UBE2E3: variants seen among roughly 807,000 people sequenced by gnomAD.
UBE2E3 encodes the protein ubiquitin conjugating enzyme E2 E3.
UBE2E3 carries 5 observed loss-of-function variants against 23.6 expected under a neutral mutation model. The observed-to-expected ratio is 0.21, with a 90% CI of 0.11 to 0.44. The LOEUF (loss-of-function observed/expected upper bound fraction) is 0.44. Among genes scored for constraint, UBE2E3 ranks in the 20% least tolerant of loss-of-function variants. The pLI, the probability that UBE2E3 is intolerant of heterozygous loss-of-function variation, is 0.99. For synonymous variants in UBE2E3, 78 were observed against 87.5 expected, an observed-to-expected ratio of 0.89 and a Z score of 0.60; for missense variants, 81 against 249.8, an observed-to-expected ratio of 0.32 and a Z score of 4.55.
At chr2:180,999,172 TATG>T (rs1329053396) in intron 3 of UBE2E3, among the ~76,000 whole-genome samples, 4 of 152,150 alleles carry the variant, frequency 2.6e-5, no homozygotes, top group African/African-American at 9.7e-5. Flanking sequence ...ATTTATTTAT[TATG>T]ATAAGAGAAT....
chr2:181,033,514 T>A (rs1686156976), intron 3 of UBE2E3, among the ~76,000 whole-genome samples: 1 of 151,958 alleles, frequency 6.6e-6, no homozygotes, highest in African/African-American at 2.4e-5. Flanking sequence ...CCTTACACCT[T>A]ATACAAAAAT....
chr2:181,060,388 A>G (rs536657532), intron 4 of UBE2E3, among the ~76,000 whole-genome samples: 1 of 151,860 alleles, frequency 6.6e-6, no homozygotes, highest in African/African-American at 2.4e-5. Flanking sequence ...GTGTATGCAA[A>G]CAGACGTACC....
chr2:181,031,550 T>G (rs1686077595), intron 3 of UBE2E3, among the ~76,000 whole-genome samples: 1 of 152,158 alleles, frequency 6.6e-6, no homozygotes, highest in South Asian at 2.1e-4. Context: ...AGAGTTTGGT[T>G]TGTTTGTATT....
At chr2:181,053,093 T>C (rs1340254968) in intron 3 of UBE2E3, among the ~76,000 whole-genome samples, 2 of 151,802 alleles carry the variant, frequency 1.3e-5, no homozygotes, top group African/African-American at 4.8e-5. Context: ...AATTTCCTTA[T>C]TTTTACATCT....
chr2:180,997,972 C>T (rs1045975798), intron 3 of UBE2E3, among the ~76,000 whole-genome samples: 21 of 152,010 alleles, frequency 1.4e-4, no homozygotes, highest in Admixed American at 5.9e-4. Flanking sequence ...CCAGCTGAAC[C>T]GGGCACTAGG....
chr2:180,990,889 A>G lies in UBE2E3; in HGVS notation c.245+6796A>G, dbSNP rs184579890. Among the ~76,000 whole-genome samples, 9 of 152,316 alleles carry G rather than the reference A, an allele frequency of 5.9e-5. No individual in the cohort carries two copies. In the East Asian group the frequency reaches 9.7e-4, roughly 16 times the overall value. ...TTACTTCAATTTTTACAAGTTCACA[A>G]TCCTTTATTTGAAACCCTTGGGGCC... is the stretch of plus-strand genomic sequence containing the variant. On this transcript the variant is annotated intron_variant, in intron 3 of 5. Transcript: ENST00000410062.
At chr2:181,000,766 G>C (rs548295555) in intron 3 of UBE2E3, among the ~76,000 whole-genome samples, 11 of 152,240 alleles carry the variant, frequency 7.2e-5, no homozygotes, top group South Asian at 2.1e-4. Context: ...GTGTTAGCCA[G>C]GATGGTCTCG....
At chr2:181,000,183 C>A (rs191642900) in intron 3 of UBE2E3, among the ~76,000 whole-genome samples, 3 of 152,242 alleles carry the variant, frequency 2.0e-5, no homozygotes, top group Admixed American at 1.3e-4. Flanking sequence ...GAATAAGACT[C>A]ACTGTATTAT....
chr2:181,062,792 G>A lies in UBE2E3; in HGVS notation c.528G>A (p.Ala176=), dbSNP rs371595317. Residue 176 remains alanine, a splice_region_variant and synonymous_variant, in exon 6 of 6, where the codon GCG becomes GCA. Transcript: ENST00000410062. The stretch of plus-strand genomic sequence containing the variant: ...TTAATGTTCTTTCTGCTTTTCCAGC[G>A]GATCCTCTGGTTGGAAGCATAGCCA... ...ICSLLTDCNP[A]DPLVGSIATQ... is the part of the protein sequence containing the mutation. 10 of 1,590,274 alleles carry A rather than the reference G, an allele frequency of 6.3e-6. No homozygotes were observed. The highest frequency in any genetic ancestry group is 5.1e-5 in the Admixed American group (3 of 58,862).
chr2:181,023,915 A>T lies in UBE2E3; in HGVS notation c.246-33778A>T, dbSNP rs138548053. On this transcript the variant is annotated intron_variant, in intron 3 of 5. Transcript: ENST00000410062. ...TATAATCATTACTACTATTATTATTATCCTTAATTTAAGTAGACTCTTTAT... is the reference window on the plus strand; with the variant it reads ...TATAATCATTACTACTATTATTATTTTCCTTAATTTAAGTAGACTCTTTAT... Among the ~76,000 whole-genome samples, 148 of 152,254 alleles carry T rather than the reference A, an allele frequency of 9.7e-4. No individual in the cohort carries two copies. In the East Asian group the frequency reaches 0.026, roughly 27 times the overall value.
At chr2:181,038,990 A>G (rs1050333089) in intron 3 of UBE2E3, among the ~76,000 whole-genome samples, 2 of 152,184 alleles carry the variant, frequency 1.3e-5, no homozygotes, top group African/African-American at 2.4e-5. Context: ...TGGTATGGCC[A>G]CTTGGGATAA....
intron 3 of UBE2E3, among the ~76,000 whole-genome samples, chr2:181,046,611 G>A (rs1320664418): frequency 6.6e-6 from 1 of 152,136 alleles, no homozygotes; most frequent in East Asian, 1.9e-4. Context: ...AGTTTTGGAT[G>A]AGCCCTTAAA....
intron 4 of UBE2E3, 73 bp from the exon 5 acceptor site, chr2:181,060,592 T>C: frequency 7.3e-7 from 1 of 1,360,652 alleles, no homozygotes; most frequent in Non-Finnish European, 9.9e-7. Flanking sequence ...ATATTACCCT[T>C]CATTTTTTTT....
intron 3 of UBE2E3, among the ~76,000 whole-genome samples, chr2:181,007,174 A>G (rs149896522): frequency 2.0e-3 from 301 of 152,272 alleles, no homozygotes; most frequent in Admixed American, 3.1e-3. Flanking sequence ...TGGGATTACA[A>G]TTTGGATAAA....
chr2:180,994,424 C>CATCA (rs1684766446), intron 3 of UBE2E3, among the ~76,000 whole-genome samples: 1 of 152,156 alleles, frequency 6.6e-6, no homozygotes, highest in African/African-American at 2.4e-5. Context: ...TTAAAAAAAT[C>CATCA]TCAGACATCA....
intron 3 of UBE2E3, among the ~76,000 whole-genome samples, chr2:181,049,487 T>C (rs1686764874): frequency 6.6e-6 from 1 of 152,104 alleles, no homozygotes; most frequent in South Asian, 2.1e-4. Flanking sequence ...TACAGTACTT[T>C]GCAATAAAAA....
chr2:181,058,984 A>G (rs942686578), intron 4 of UBE2E3, among the ~76,000 whole-genome samples: 4 of 151,770 alleles, frequency 2.6e-5, no homozygotes, highest in Non-Finnish European at 5.9e-5. Context: ...TTTCCTGGAC[A>G]CCTTTTAATG....
chr2:180,989,051 A>G (rs1034700202), intron 3 of UBE2E3, among the ~76,000 whole-genome samples: 5 of 152,164 alleles, frequency 3.3e-5, no homozygotes, highest in African/African-American at 4.8e-5. Context: ...GATAGTTTGT[A>G]TTATTAGTTT....
At position 181,003,427 on chromosome 2, in the gene UBE2E3, T is replaced by C. The variant is rs1256816918; in HGVS notation, c.245+19334T>C. On this transcript the variant is annotated intron_variant, in intron 3 of 5. Transcript: ENST00000410062. Reference sequence around the variant, plus strand: ...TCTAGAAGTACTTTGTAAATAACTTTAAATCAAATTATTTATGTCTACTTT... The same window carrying C: ...TCTAGAAGTACTTTGTAAATAACTTCAAATCAAATTATTTATGTCTACTTT... 2.6e-5 allele frequency among the ~76,000 whole-genome samples: 4 copies of C among 152,106 alleles called. No homozygotes were observed. In the East Asian group the frequency reaches 7.7e-4, roughly 29 times the overall value.
Sources: gnomAD v4.1 joint callset for allele counts (sites outside exome capture counted in the v4.1 genomes callset) on GRCh38, gnomAD v4.1.1 for gene constraint, MANE v1.5 for transcripts, NCBI Gene and HGNC (gene_info 2026-07-23, HGNC 2026-07-21) for gene names.